Variants in NRXN1 observed in about 807,000 individuals in gnomAD.
NRXN1 encodes neurexin 1.
A neutral mutation model predicts 150.9 loss-of-function variants in NRXN1; 39 were observed. The ratio of observed to expected loss-of-function variants is 0.26; its 90% CI spans 0.20 to 0.34. The LOEUF (loss-of-function observed/expected upper bound fraction) is 0.34. Among genes scored for constraint, NRXN1 ranks in the 10% least tolerant of loss-of-function variants. The pLI is 1.00. For missense variants in NRXN1, 1,815 were observed against 1,949.9 expected, an observed-to-expected ratio of 0.93 and a Z score of 1.30; for synonymous variants, 924 against 757.0, an observed-to-expected ratio of 1.22 and a Z score of -3.62.
chr2:50,965,116 A>C (rs1055639942), intron 2 of NRXN1, among the ~76,000 whole-genome samples: 1 of 151,422 alleles, frequency 6.6e-6, no homozygotes, highest in Non-Finnish European at 1.5e-5. Flanking sequence ...CTTCCCTCAA[A>C]TACTATGAAA....
chr2:50,124,654 G>A (rs1204527085), intron 18 of NRXN1, among the ~76,000 whole-genome samples: 1 of 151,846 alleles, frequency 6.6e-6, no homozygotes, highest in South Asian at 2.1e-4. Context: ...CCCAACCCCT[G>A]ACAATCATTC....
intron 21 of NRXN1, among the ~76,000 whole-genome samples, chr2:50,030,941 A>G (rs1356039492): frequency 6.6e-6 from 1 of 152,082 alleles, no homozygotes; most frequent in Non-Finnish European, 1.5e-5. Context: ...TAGAGTTTGT[A>G]TATATACTTT....
At chr2:50,248,791 C>T (rs1450383672) in intron 17 of NRXN1, among the ~76,000 whole-genome samples, 4 of 152,040 alleles carry the variant, frequency 2.6e-5, no homozygotes, top group African/African-American at 9.7e-5. Context: ...CTAATTCCTT[C>T]CCTAAGTTTG....
At chr2:50,145,130 C>G (rs1031086123) in intron 18 of NRXN1, among the ~76,000 whole-genome samples, 1 of 151,320 alleles carries the variant, frequency 6.6e-6, no homozygotes, top group African/African-American at 2.4e-5. Flanking sequence ...TTTAAAAAAC[C>G]TTTAGATCTA....
intron 19 of NRXN1, among the ~76,000 whole-genome samples, chr2:50,080,904 A>AT (rs1040930368): frequency 6.6e-5 from 10 of 152,286 alleles, no homozygotes; most frequent in Non-Finnish European, 4.4e-5. Flanking sequence ...TCATATGTTC[A>AT]TTACACAGAC....
intron 21 of NRXN1, among the ~76,000 whole-genome samples, chr2:49,946,052 T>G (rs557825307): frequency 6.6e-6 from 1 of 152,256 alleles, no homozygotes; most frequent in African/African-American, 2.4e-5. Context: ...ATCTGTTGCT[T>G]CCTGACTTTT....
At chr2:50,495,835 C>T in intron 15 of NRXN1, 70 bp downstream of exon 15, 1 of 1,390,382 alleles carries the variant, frequency 7.2e-7, no homozygotes, top group Non-Finnish European at 9.7e-7. Flanking sequence ...CACCCCTAAG[C>T]AAAGGATTTT....
At chr2:50,850,603 T>TTA (rs1391009747) in intron 5 of NRXN1, among the ~76,000 whole-genome samples, 2 of 152,198 alleles carry the variant, frequency 1.3e-5, no homozygotes, top group Non-Finnish European at 2.9e-5. Context: ...AGATGCCCTT[T>TTA]TAATCTAAAG....
intron 5 of NRXN1, among the ~76,000 whole-genome samples, chr2:50,776,346 A>T (rs925192248): frequency 2.6e-5 from 4 of 152,096 alleles, no homozygotes; most frequent in African/African-American, 9.7e-5. Flanking sequence ...ATAGAAAATT[A>T]ACATGTCCCT....
At chr2:50,641,520 A>T (rs1684072869) in intron 5 of NRXN1, among the ~76,000 whole-genome samples, 1 of 152,020 alleles carries the variant, frequency 6.6e-6, no homozygotes, top group Non-Finnish European at 1.5e-5. Context: ...TTCAGGTCAG[A>T]GTTCTTTTTA....
At chr2:50,875,799 C>T (rs911850234) in intron 5 of NRXN1, among the ~76,000 whole-genome samples, 3 of 151,586 alleles carry the variant, frequency 2.0e-5, no homozygotes, top group African/African-American at 4.8e-5. Flanking sequence ...CAAATAACAC[C>T]CCAGTTAATT....
chr2:50,530,706 C>A (rs113680678), intron 11 of NRXN1, among the ~76,000 whole-genome samples: 114 of 152,162 alleles, frequency 7.5e-4, no homozygotes, highest in Non-Finnish European at 1.3e-3. Context: ...CAAAATACCA[C>A]CACACAGTAC....
chr2:50,787,965 T>C (rs530847633), intron 5 of NRXN1, among the ~76,000 whole-genome samples: 1 of 152,130 alleles, frequency 6.6e-6, no homozygotes, highest in South Asian at 2.1e-4. Context: ...AAAATTTTTG[T>C]ATATTGACCT....
chr2:50,188,365 A>T (rs2061225111), intron 18 of NRXN1, among the ~76,000 whole-genome samples: 1 of 152,130 alleles, frequency 6.6e-6, no homozygotes, highest in East Asian at 1.9e-4. Flanking sequence ...CTTATACAAA[A>T]ATTAACTCAA....
intron 5 of NRXN1, among the ~76,000 whole-genome samples, chr2:50,828,578 T>C (rs13425752): frequency 0.56 from 80,058 of 143,106 alleles, 23,131 homozygotes; most frequent in Non-Finnish European, 0.67. Flanking sequence ...AGGCGCTCCT[T>C]ACATCCCAGA....
At chr2:50,377,709 A>G (rs2080627250) in intron 17 of NRXN1, among the ~76,000 whole-genome samples, 1 of 152,184 alleles carries the variant, frequency 6.6e-6, no homozygotes, top group Non-Finnish European at 1.5e-5. Context: ...ATTTGCTCAT[A>G]TATTTCACTG....
chr2:50,262,024 C>T (rs1716005), intron 17 of NRXN1, among the ~76,000 whole-genome samples: 88,612 of 151,712 alleles, frequency 0.58, 26,611 homozygotes, highest in African/African-American at 0.72. Context: ...CCACCAAAGC[C>T]GGCGTTAACC....
intron 5 of NRXN1, among the ~76,000 whole-genome samples, chr2:50,678,290 C>T (rs865835622): frequency 1.3e-5 from 2 of 152,212 alleles, no homozygotes; most frequent in South Asian, 2.1e-4. Flanking sequence ...GGCTGTATTA[C>T]AATTTAAATT....
At chr2:50,337,684 T>C (rs758890526) in intron 17 of NRXN1, among the ~76,000 whole-genome samples, 4 of 152,316 alleles carry the variant, frequency 2.6e-5, no homozygotes, top group Non-Finnish European at 4.4e-5. Context: ...GCACAGGCTT[T>C]TATGAGGGAG....
Sources: allele counts gnomAD v4.1 joint callset (sites outside exome capture counted in the v4.1 genomes callset), GRCh38; gene constraint gnomAD v4.1.1; transcripts MANE v1.5; gene names NCBI Gene and HGNC (gene_info 2026-07-23, HGNC 2026-07-21).